Variants in TCFL5 observed in about 807,000 individuals in gnomAD.
The protein encoded by TCFL5 is transcription factor-like 5 protein.
In TCFL5, 9 loss-of-function variants were observed where a neutral mutation model predicts 44.3. The ratio of observed to expected loss-of-function variants is 0.20; its 90% confidence interval spans 0.12 to 0.35. The LOEUF is 0.35. Ranked by LOEUF, TCFL5 falls within the 10% of genes least tolerant of loss-of-function variation. TCFL5 has a pLI of 1.00. For missense variants in TCFL5, 603 were observed against 613.4 expected (o/e 0.98, Z 0.18); for synonymous variants, 319 against 271.6 (o/e 1.17, Z -1.72).
At chr20:62,853,312 T>G (rs1022632908) in intron 5 of TCFL5, among the ~76,000 whole-genome samples, 1 of 151,734 alleles carries the variant, frequency 6.6e-6, no homozygotes, top group Non-Finnish European at 1.5e-5. Context: ...ATCAGACTAT[T>G]TGACACTTAT....
At position 62,842,104 on chromosome 20, in the gene TCFL5, T is replaced by G; in HGVS notation, c.1381-7A>C. 1 of 1,614,036 alleles carries G rather than the reference T, an allele frequency of 6.2e-7. No homozygotes were observed. Among genetic ancestry groups the G allele is most frequent in the Non-Finnish European group, 8.5e-7 (1 of 1,179,968 alleles). On this transcript the variant is annotated splice_polypyrimidine_tract_variant and splice_region_variant and intron_variant, in intron 5 of 5. Coordinates refer to ENST00000335351, the MANE Select transcript of TCFL5 (RefSeq NM_006602.4). This position sits in a 1 kb window ranked among gnomAD's most constrained non-coding sequence, Gnocchi z 4.3. ...AAAATACGCTCTCAAATTCCTGCAGTGAAGAAGTGACGGTTAACATACTGA... is the reference window on the plus strand; with the variant it reads ...AAAATACGCTCTCAAATTCCTGCAGGGAAGAAGTGACGGTTAACATACTGA...
rs2063687051 is a variant in TCFL5, at chr20:62,842,230, A to G, written c.1381-133T>C. 6 of 1,176,652 alleles carry G rather than the reference A, an allele frequency of 5.1e-6. No individual in the cohort carries two copies. Among genetic ancestry groups the G allele is most frequent in the Non-Finnish European group, 7.1e-6 (6 of 846,500 alleles). 72.9% of individuals were successfully genotyped at this position (1,176,652 alleles called of 1,614,324 possible). A position where few individuals can be genotyped will look rare whatever the true frequency, so the allele number is the denominator to read the frequency against. ...TACGCTGTTTTAAGGTGTCATTCACAAACTTGTGTCTTACCTCACAAGGGG... is the reference window on the plus strand; with the variant it reads ...TACGCTGTTTTAAGGTGTCATTCACGAACTTGTGTCTTACCTCACAAGGGG... On this transcript the variant is annotated intron_variant, in intron 5 of 5. Coordinates refer to ENST00000335351, the MANE Select transcript of TCFL5 (RefSeq NM_006602.4). This position sits in a 1 kb window ranked among gnomAD's most constrained non-coding sequence, Gnocchi z 4.3.
At chr20:62,844,295 T>C (rs1034583174) in intron 5 of TCFL5, among the ~76,000 whole-genome samples, 50 of 152,260 alleles carry the variant, frequency 3.3e-4, no homozygotes, top group African/African-American at 1.2e-3. Context: ...TAGTATCTCA[T>C]TGGGTCTTGA....
rs2063758288 is a variant in TCFL5, at chr20:62,847,479, G to A, written c.1381-5382C>T. 3.3e-5 allele frequency among the ~76,000 whole-genome samples: 5 copies of A among 152,340 alleles called. No individual in the cohort carries two copies. In the South Asian group the frequency reaches 1.0e-3, roughly 32 times the overall value. On this transcript the variant is annotated intron_variant, in intron 5 of 5. Coordinates refer to ENST00000335351, the MANE Select transcript of TCFL5 (RefSeq NM_006602.4). ...CAACAAAGTGAATGACTGAGCCCCAGAAAGACTCCAGCACGGCCCAGGCCA... is the reference window on the plus strand; with the variant it reads ...CAACAAAGTGAATGACTGAGCCCCAAAAAGACTCCAGCACGGCCCAGGCCA...
At chr20:62,848,655 T>C (rs550336322) in intron 5 of TCFL5, among the ~76,000 whole-genome samples, 39 of 151,388 alleles carry the variant, frequency 2.6e-4, no homozygotes, top group Non-Finnish European at 8.8e-5. Flanking sequence ...GGAGAATCGC[T>C]TGAATCCAGG....
At chr20:62,844,407 A>G (rs1414276359) in intron 5 of TCFL5, among the ~76,000 whole-genome samples, 1 of 151,532 alleles carries the variant, frequency 6.6e-6, no homozygotes, top group Non-Finnish European at 1.5e-5. Context: ...TTCTTTGCCC[A>G]TTTTTCAGTT....
Position 62,848,961 on chromosome 20 carries a change from A to G in TCFL5, c.1380+5055T>C, listed in dbSNP as rs1293742180. ...GTAGGCAGGATCACTTGAGGTCAAG[A>G]GTTTGAGACCAGCCTGGCCAACATG... On this transcript the variant is annotated intron_variant, in intron 5 of 5. Transcript: ENST00000335351. 2.0e-5 allele frequency among the ~76,000 whole-genome samples: 3 copies of G among 151,946 alleles called. No homozygotes were observed. The South Asian group carries it at 6.2e-4, about 32-fold the overall frequency.
intron 4 of TCFL5, among the ~76,000 whole-genome samples, chr20:62,857,024 G>A (rs1023183072): frequency 1.3e-5 from 2 of 152,150 alleles, no homozygotes; most frequent in African/African-American, 2.4e-5. Flanking sequence ...CCTCACCCAC[G>A]TTTTCAGACC....
At chr20:62,851,968 C>A in intron 5 of TCFL5, 1 of 811,744 alleles carries the variant, frequency 1.2e-6, no homozygotes, top group Non-Finnish European at 1.5e-6. Flanking sequence ...CCACGCCTGG[C>A]TAATTTTTGT....
intron 5 of TCFL5, chr20:62,851,805 G>A: frequency 1.4e-5 from 14 of 985,346 alleles, no homozygotes; most frequent in Non-Finnish European, 1.7e-5. Context: ...CCACCATGAC[G>A]TAGACACAGG....
rs1397770710 is a variant in TCFL5, at chr20:62,861,744, G to C, written c.-74C>G. 1.4e-5 allele frequency: 2 copies of C among 147,724 alleles called. No homozygotes were observed. The highest frequency in any genetic ancestry group is 3.0e-5 in the Non-Finnish European group (2 of 66,274). 9.2% of individuals were successfully genotyped at this position (147,724 alleles called of 1,614,324 possible). A position where few individuals can be genotyped will look rare whatever the true frequency, so the allele number is the denominator to read the frequency against. On this transcript the variant is annotated 5_prime_UTR_variant, in exon 1 of 6. Coordinates refer to ENST00000335351, the MANE Select transcript of TCFL5 (RefSeq NM_006602.4). This position sits in a 1 kb window ranked among gnomAD's most constrained non-coding sequence, Gnocchi z 4.0. ...CGGCGGGAGGCGGGAGGCGGGAGGC[G>C]GGAGGCGACCCCCGGCCCGAGCACT... is the stretch of plus-strand genomic sequence containing the variant.
In TCFL5 at chr20:62,841,830, C is replaced by A; in HGVS notation, c.*145G>T. ...GATAAATATTTTTACAAAATGTGCT[C>A]TCAAAGTCCCTACTGGAGTCCCGTC... On this transcript the variant is annotated 3_prime_UTR_variant, in exon 6 of 6. Transcript: ENST00000335351. The A allele has an allele frequency of 1.9e-6, 2 of 1,058,130 alleles. No homozygotes were observed. The highest frequency in any genetic ancestry group is 2.7e-5 in the East Asian group (1 of 36,590). 65.5% of individuals were successfully genotyped at this position (1,058,130 alleles called of 1,614,324 possible).
chr20:62,844,575 GT>G (rs1169875367), intron 5 of TCFL5, among the ~76,000 whole-genome samples: 1 of 130,238 alleles, frequency 7.7e-6, no homozygotes, highest in African/African-American at 3.9e-5. Flanking sequence ...TTTTTTGTTT[GT>G]TTTTTGTTTT....
Position 62,845,123 on chromosome 20 carries a change from A to ATTT in TCFL5, c.1381-3029_1381-3027dup, listed in dbSNP as rs11086140. 3.0e-5 allele frequency: 27 copies of ATTT among 887,486 alleles called. No homozygotes were observed. The African/African-American group carries it at 3.3e-4, about 11-fold the overall frequency. 55.0% of individuals were successfully genotyped at this position (887,486 alleles called of 1,614,324 possible). A position where few individuals can be genotyped will look rare whatever the true frequency, so the allele number is the denominator to read the frequency against. ...TATAAATATACTCATTTTCTTCCCA[A>ATTT]TTTTTTTTTTTTTTGGATATGGAGT... On this transcript the variant is annotated intron_variant, in intron 5 of 5. Transcript: ENST00000335351.
intron 5 of TCFL5, among the ~76,000 whole-genome samples, chr20:62,846,436 G>A (rs1006314051): frequency 1.3e-5 from 2 of 152,200 alleles, no homozygotes; most frequent in African/African-American, 2.4e-5. Flanking sequence ...GGCCAAAGAC[G>A]TGGTACTGAT....
chr20:62,843,793 G>C (rs755255965), intron 5 of TCFL5, among the ~76,000 whole-genome samples: 3 of 152,156 alleles, frequency 2.0e-5, no homozygotes, highest in Non-Finnish European at 4.4e-5. Flanking sequence ...TCCACTTTCT[G>C]TCTCTCTGAA....
rs1298737030 is a variant in TCFL5, at chr20:62,852,870, GGAAGTATAGTCACCCAGTCTGCA to G, written c.1380+1123_1380+1145del. On this transcript the variant is annotated intron_variant, in intron 5 of 5. Coordinates refer to ENST00000335351, the MANE Select transcript of TCFL5 (RefSeq NM_006602.4). ...ACAAAAGTATGTTCACCCAGTCCATGGAAGTATAGTCACCCAGTCTGCAGAAGTACATTCACCCAGTCAGCAGA... is the reference window on the plus strand; with the variant it reads ...ACAAAAGTATGTTCACCCAGTCCATGGAAGTACATTCACCCAGTCAGCAGA... The G allele has an allele frequency of 7.8e-6, 10 of 1,288,018 alleles. No individual in the cohort carries two copies. The Admixed American group carries it at 9.2e-5, about 12-fold the overall frequency. The allele number at this position is 1,288,018 out of a possible 1,614,324, so 79.8% of individuals were successfully genotyped here. A position where few individuals can be genotyped will look rare whatever the true frequency, so the allele number is the denominator to read the frequency against.
chr20:62,843,767 C>G (rs2147242850), intron 5 of TCFL5, among the ~76,000 whole-genome samples: 1 of 152,322 alleles, frequency 6.6e-6, no homozygotes, highest in East Asian at 1.9e-4. Context: ...GGCCCCCAGC[C>G]CCTGGCACGT....
chr20:62,845,719 C>T (rs759446555), intron 5 of TCFL5: 22 of 1,606,690 alleles, frequency 1.4e-5, no homozygotes, highest in South Asian at 7.7e-5. Context: ...GACGAGGACT[C>T]GGAGACATAT....
Sources: allele counts gnomAD v4.1 joint callset (sites outside exome capture counted in the v4.1 genomes callset), GRCh38; gene constraint gnomAD v4.1.1; non-coding constraint Gnocchi (gnomAD v3.1); transcripts MANE v1.5; gene names NCBI Gene and HGNC (gene_info 2026-07-23, HGNC 2026-07-21).